Variants in DSE observed in about 807,000 individuals in gnomAD.
DSE encodes the protein dermatan sulfate epimerase, also known as dermatan-sulfate epimerase.
A neutral mutation model predicts 84.4 loss-of-function variants in DSE; 36 were observed. The observed-to-expected ratio is 0.43, with a 90% CI of 0.33 to 0.56. The LOEUF (loss-of-function observed/expected upper bound fraction) is 0.56, where lower values mean the gene tolerates loss of function less well. DSE is among the 20% of genes least tolerant of loss of function. The pLI, the probability that DSE is intolerant of heterozygous loss-of-function variation, is 0.06. For synonymous variants in DSE, 410 were observed against 430.1 expected (o/e 0.95, Z 0.58); for missense variants, 862 against 1,169.6 (o/e 0.74, Z 3.84).
At chr6:116,331,755 G>A (rs1371609829) in intron 2 of DSE, among the ~76,000 whole-genome samples, 17 of 152,056 alleles carry the variant, frequency 1.1e-4, no homozygotes, top group Admixed American at 9.2e-4. Flanking sequence ...TCAGGGAATC[G>A]AGACCATCAT....
chr6:116,416,035 T>A (rs565922246), intron 2 of DSE, among the ~76,000 whole-genome samples: 1 of 152,214 alleles, frequency 6.6e-6, no homozygotes, highest in Non-Finnish European at 1.5e-5. Context: ...TTTGCCTTTT[T>A]CTAGCTTTTG....
intron 2 of DSE, chr6:116,278,964 C>T (rs1358965862): frequency 1.2e-6 from 2 of 1,614,052 alleles, no homozygotes; most frequent in Non-Finnish European, 1.7e-6. Context: ...TCATGGCGGA[C>T]AACTGGGGGT....
chr6:116,272,861 T>C (rs1772942942), intron 2 of DSE, among the ~76,000 whole-genome samples: 1 of 152,240 alleles, frequency 6.6e-6, no homozygotes, highest in Non-Finnish European at 1.5e-5. Context: ...GAAATTTTAA[T>C]TGATTGCATA....
At chr6:116,280,615 T>A (rs151286877) in intron 2 of DSE, among the ~76,000 whole-genome samples, 5 of 152,344 alleles carry the variant, frequency 3.3e-5, no homozygotes, top group African/African-American at 1.2e-4. Flanking sequence ...CATATTTAGT[T>A]ATGTAAGATA....
intron 2 of DSE, among the ~76,000 whole-genome samples, chr6:116,404,854 A>C (rs1781817694): frequency 6.6e-6 from 1 of 152,142 alleles, no homozygotes; most frequent in African/African-American, 2.4e-5. Flanking sequence ...CTTACTTATC[A>C]TCAGACAGAA....
chr6:116,392,048 C>T (rs778264536), intron 1 of DSE, among the ~76,000 whole-genome samples: 1 of 152,100 alleles, frequency 6.6e-6, no homozygotes, highest in Non-Finnish European at 1.5e-5. Context: ...AGTGAGGAGA[C>T]CTTTTAAAAT....
At chr6:116,410,962 G>T (rs955746201) in intron 2 of DSE, among the ~76,000 whole-genome samples, 2 of 152,184 alleles carry the variant, frequency 1.3e-5, no homozygotes. Context: ...TTTATGGGAT[G>T]GTGGGATCTC....
At chr6:116,355,586 A>G (rs910400521) in intron 2 of DSE, 3 of 152,214 alleles carry the variant, frequency 2.0e-5, no homozygotes, top group Admixed American at 2.0e-4. Flanking sequence ...TCCAATACAT[A>G]TACCCGCTTC....
chr6:116,256,183 G>C (rs554728460), intron 1 of DSE: 1 of 152,172 alleles, frequency 6.6e-6, no homozygotes, highest in African/African-American at 2.4e-5. Context: ...CATTTTGACA[G>C]TCTTCTGATT....
At chr6:116,279,765 G>A (rs751236899) in intron 2 of DSE, 5 of 1,612,572 alleles carry the variant, frequency 3.1e-6, no homozygotes, top group Non-Finnish European at 4.2e-6. Context: ...TCGGGACTTG[G>A]TCAGAAATAA....
intron 2 of DSE, among the ~76,000 whole-genome samples, chr6:116,327,932 T>C (rs1446977880): frequency 6.6e-6 from 1 of 152,220 alleles, no homozygotes; most frequent in Non-Finnish European, 1.5e-5. Flanking sequence ...TTACTTAACA[T>C]GGAGCTTCCG....
rs916754796 is a variant in DSE, at chr6:116,388,813, T to C, written c.-53-10385T>C. ...AGCTTTATCTGTATATAGACTTTGG[T>C]TGATGAAGAAGTAGATTGGTAATTG... On this transcript the variant is annotated intron_variant, in intron 1 of 5. Transcript: ENST00000644252. Among the ~76,000 whole-genome samples the C allele has an allele frequency of 1.4e-4, 22 of 152,344 alleles. 2 individuals carry two copies. In the South Asian group the frequency reaches 4.6e-3, roughly 32 times the overall value.
At chr6:116,308,536 T>A (rs992465574) in intron 2 of DSE, among the ~76,000 whole-genome samples, 1 of 152,228 alleles carries the variant, frequency 6.6e-6, no homozygotes, top group Non-Finnish European at 1.5e-5. Context: ...GAGGGCTTTT[T>A]AATGAGAAAG....
intron 1 of DSE, among the ~76,000 whole-genome samples, chr6:116,379,984 A>C (rs73767755): frequency 0.017 from 2,641 of 152,252 alleles, 76 homozygotes; most frequent in African/African-American, 0.061. Flanking sequence ...TGGTTATATT[A>C]CAGATCCTAG....
chr6:116,284,784 C>T lies in DSE; in HGVS notation c.-54+25817C>T, dbSNP rs533805609. On this transcript the variant is annotated intron_variant, in intron 2 of 3. Transcript: ENST00000430252. ...AATATGCAGTGTTTGGTTTTCTGTCCTTGCAATAGTTTGCTCAGAATGATG... is the reference window on the plus strand; with the variant it reads ...AATATGCAGTGTTTGGTTTTCTGTCTTTGCAATAGTTTGCTCAGAATGATG... Among the ~76,000 whole-genome samples the T allele has an allele frequency of 2.6e-5, 4 of 151,460 alleles. No homozygotes were observed. The South Asian group carries it at 8.3e-4, about 32-fold the overall frequency.
chr6:116,338,682 G>A (rs1399551933), intron 2 of DSE, among the ~76,000 whole-genome samples: 1 of 152,146 alleles, frequency 6.6e-6, no homozygotes, highest in Non-Finnish European at 1.5e-5. Flanking sequence ...ACCAGCAACT[G>A]CAGTTTTTGT....
Position 116,382,093 on chromosome 6 carries a change from T to A in DSE, c.-54+10972T>A, listed in dbSNP as rs915396185. Among the ~76,000 whole-genome samples, 15 of 150,720 alleles carry A rather than the reference T, an allele frequency of 1.0e-4. No homozygotes were observed. In the South Asian group the frequency reaches 2.7e-3, roughly 28 times the overall value. The stretch of plus-strand genomic sequence containing the variant: ...TGTGTCTCCAAATTTCCACTCTTTA[T>A]AAAGACACTGGTCATATTGGAGTAG... On this transcript the variant is annotated intron_variant, in intron 1 of 5. Transcript: ENST00000644252.
At chr6:116,332,748 T>A (rs1047951664) in intron 2 of DSE, among the ~76,000 whole-genome samples, 2 of 152,118 alleles carry the variant, frequency 1.3e-5, no homozygotes, top group African/African-American at 4.8e-5. Context: ...CACCTTTAAT[T>A]GGTAAAAAGT....
intron 2 of DSE, among the ~76,000 whole-genome samples, chr6:116,320,555 G>A (rs1436883243): frequency 3.9e-5 from 6 of 151,994 alleles, no homozygotes; most frequent in African/African-American, 1.5e-4. Context: ...GTTTGCTTGC[G>A]CTGCCATAAC....
Sources: gnomAD v4.1 joint callset for allele counts (sites outside exome capture counted in the v4.1 genomes callset) on GRCh38, gnomAD v4.1.1 for gene constraint, MANE v1.5 for transcripts, NCBI Gene and HGNC (gene_info 2026-07-23, HGNC 2026-07-21) for gene names.